Variants in LHFPL3 observed in about 807,000 individuals in gnomAD.
LHFPL3 encodes the protein LHFPL tetraspan subfamily member 3 protein.
A neutral mutation model predicts 19.3 loss-of-function variants in LHFPL3; 5 were observed. The ratio of observed to expected loss-of-function variants is 0.26; its 90% CI spans 0.14 to 0.54. The LOEUF (loss-of-function observed/expected upper bound fraction) is 0.54. Ranked by LOEUF, LHFPL3 falls within the 20% of genes least tolerant of loss-of-function variation. LHFPL3 has a pLI of 0.94. For synonymous variants in LHFPL3, 133 were observed against 126.2 expected (o/e 1.05, Z -0.36); for missense variants, 249 against 307.4 (o/e 0.81, Z 1.42).
rs530793389 is a variant in LHFPL3, at chr7:104,887,924, T to C, written c.683-18263T>C. ...TTTCAGAGTTGTTTGGGGGTTTTAT[T>C]TGTGACAACTCTCAACAGCTTGAGA... On this transcript the variant is annotated intron_variant, in intron 2 of 2. Transcript: ENST00000424859. Among the ~76,000 whole-genome samples the C allele has an allele frequency of 2.6e-5, 4 of 152,306 alleles. 1 individual carries two copies. The highest frequency in any genetic ancestry group is 9.6e-5 in the African/African-American group (4 of 41,574).
chr7:104,476,341 T>C (rs1793015856), intron 1 of LHFPL3, among the ~76,000 whole-genome samples: 1 of 152,238 alleles, frequency 6.6e-6, no homozygotes, highest in African/African-American at 2.4e-5. Context: ...TTCTTGACTG[T>C]TGTTGCCTCT....
chr7:104,647,111 T>C (rs892401626), intron 1 of LHFPL3, among the ~76,000 whole-genome samples: 7 of 152,242 alleles, frequency 4.6e-5, no homozygotes, highest in Admixed American at 6.5e-5. Flanking sequence ...CTTCTTTTCA[T>C]TTAGCATAAC....
intron 1 of LHFPL3, among the ~76,000 whole-genome samples, chr7:104,710,131 G>A (rs944630802): frequency 3.9e-5 from 6 of 152,214 alleles, no homozygotes; most frequent in Non-Finnish European, 7.3e-5. Context: ...GACCAGCCCG[G>A]CCAACACGGC....
Position 104,560,695 on chromosome 7 carries a change from G to C in LHFPL3, c.446-175980G>C, listed in dbSNP as rs571826932. Among the ~76,000 whole-genome samples, 249 of 148,974 alleles carry C rather than the reference G, an allele frequency of 1.7e-3. 1 individual carries two copies. Among genetic ancestry groups the C allele is most frequent in the African/African-American group, 6.0e-3 (238 of 39,578 alleles). ...TCTCTATTTCCTTCAGTTCTGCTCT[G>C]ATTTTAGTTATTTCTTGCCTTCTGC... On this transcript the variant is annotated intron_variant, in intron 1 of 2. Coordinates refer to ENST00000424859, the MANE Select transcript of LHFPL3 (RefSeq NM_199000.3).
intron 1 of LHFPL3, among the ~76,000 whole-genome samples, chr7:104,346,313 T>A (rs1385115849): frequency 1.3e-5 from 2 of 151,908 alleles, no homozygotes; most frequent in Non-Finnish European, 2.9e-5. Flanking sequence ...TATTCCATAT[T>A]TTTAAGTGTT....
At chr7:104,532,381 A>T (rs973425865) in intron 1 of LHFPL3, among the ~76,000 whole-genome samples, 8 of 130,566 alleles carry the variant, frequency 6.1e-5, no homozygotes, top group Non-Finnish European at 1.1e-4. Flanking sequence ...GGCTGGTCTC[A>T]AAATCCTGGC....
chr7:104,892,032 G>A (rs1419892303), intron 2 of LHFPL3, among the ~76,000 whole-genome samples: 3 of 152,238 alleles, frequency 2.0e-5, no homozygotes, highest in East Asian at 3.8e-4. Context: ...TTATGAAAGT[G>A]TTCTTCTTTT....
At chr7:104,513,381 G>C (rs544318806) in intron 1 of LHFPL3, among the ~76,000 whole-genome samples, 2 of 152,292 alleles carry the variant, frequency 1.3e-5, no homozygotes, top group South Asian at 4.1e-4. Flanking sequence ...ATAACTCCCA[G>C]CATGGAAGGT....
In LHFPL3 at chr7:104,569,569, C is replaced by T. The variant is rs143894610; in HGVS notation, c.446-167106C>T. Among the ~76,000 whole-genome samples, 14 of 152,110 alleles carry T rather than the reference C, an allele frequency of 9.2e-5. 1 individual carries two copies. Among genetic ancestry groups the T allele is most frequent in the Middle Eastern group, 3.4e-3 (1 of 294 alleles). On this transcript the variant is annotated intron_variant, in intron 1 of 2. Coordinates refer to ENST00000424859, the MANE Select transcript of LHFPL3 (RefSeq NM_199000.3). ...TATAGATAGTAAAATGTTTACTATA[C>T]GAAAATAGATTAGCATAGCCATCAT...
intron 1 of LHFPL3, among the ~76,000 whole-genome samples, chr7:104,404,484 A>G (rs953014380): frequency 1.3e-5 from 2 of 152,228 alleles, no homozygotes; most frequent in Admixed American, 6.5e-5. Flanking sequence ...TTGAAGAAAT[A>G]CATGTCATAT....
chr7:104,429,301 C>CCT (rs1791905492), intron 1 of LHFPL3, among the ~76,000 whole-genome samples: 1 of 84,532 alleles, frequency 1.2e-5, no homozygotes, highest in African/African-American at 5.4e-5. Flanking sequence ...TATGTCATTC[C>CCT]TTTTTTTTTT....
At chr7:104,350,677 A>C (rs1790155487) in intron 1 of LHFPL3, among the ~76,000 whole-genome samples, 1 of 152,220 alleles carries the variant, frequency 6.6e-6, no homozygotes. Context: ...ACAAACAAGT[A>C]ATTAAATATA....
chr7:104,531,636 G>T (rs1271235773), intron 1 of LHFPL3, among the ~76,000 whole-genome samples: 2 of 152,136 alleles, frequency 1.3e-5, no homozygotes, highest in Non-Finnish European at 2.9e-5. Context: ...CCAGGTGTAT[G>T]ACATACACCC....
At chr7:104,847,354 G>T (rs539610065) in intron 2 of LHFPL3, among the ~76,000 whole-genome samples, 49 of 152,180 alleles carry the variant, frequency 3.2e-4, no homozygotes, top group Admixed American at 9.8e-4. Context: ...AGCCAATAAG[G>T]CAAGAATAGA....
intron 2 of LHFPL3, among the ~76,000 whole-genome samples, chr7:104,765,419 T>A (rs768382924): frequency 3.3e-5 from 5 of 152,224 alleles, no homozygotes; most frequent in African/African-American, 1.2e-4. Flanking sequence ...TATAAAGAGA[T>A]ACCTAAATAA....
intron 2 of LHFPL3, among the ~76,000 whole-genome samples, chr7:104,761,387 A>T (rs1331210509): frequency 6.6e-6 from 1 of 152,162 alleles, no homozygotes; most frequent in Non-Finnish European, 1.5e-5. Context: ...AATGAAAAAA[A>T]TCATAATAAT....
chr7:104,864,938 C>A (rs1166571400), intron 2 of LHFPL3, among the ~76,000 whole-genome samples: 1 of 152,194 alleles, frequency 6.6e-6, no homozygotes, highest in Admixed American at 6.5e-5. Flanking sequence ...GTTCTGCAGC[C>A]TCCACTGCTG....
At chr7:104,474,584 G>A (rs1022728095) in intron 1 of LHFPL3, among the ~76,000 whole-genome samples, 1 of 150,806 alleles carries the variant, frequency 6.6e-6, no homozygotes, top group Non-Finnish European at 1.5e-5. Flanking sequence ...TGAGAATGGC[G>A]TGAACCCGGG....
In LHFPL3 at chr7:104,861,932, C is replaced by T. The variant is rs1029552293; in HGVS notation, c.683-44255C>T. ...GCTGCTGATGGCAGGAATCCACAGG[C>T]TTTGGTGAACAGGCTGGCTCGTGGT... On this transcript the variant is annotated intron_variant, in intron 2 of 2. Transcript: ENST00000424859. Among the ~76,000 whole-genome samples, 5 of 152,160 alleles carry T rather than the reference C, an allele frequency of 3.3e-5. No homozygotes were observed. In the East Asian group the frequency reaches 5.8e-4, roughly 18 times the overall value.
Sources: gnomAD v4.1 joint callset for allele counts (sites outside exome capture counted in the v4.1 genomes callset) on GRCh38, gnomAD v4.1.1 for gene constraint, MANE v1.5 for transcripts, NCBI Gene and HGNC (gene_info 2026-07-23, HGNC 2026-07-21) for gene names.